The following TMA7 variants were observed in gnomAD, a reference collection of about 807,000 sequenced individuals.
TMA7 encodes the protein translation machinery associated 7 homolog, also known as translation machinery-associated protein 7.
Under a neutral mutation model 12.5 loss-of-function variants are expected in TMA7, and 5 were observed. The ratio of observed to expected loss-of-function variants is 0.40; its 90% CI spans 0.21 to 0.84. The LOEUF is 0.84. Among genes scored for constraint, TMA7 ranks in the 40% least tolerant of loss-of-function variants. The pLI, the probability that TMA7 is intolerant of heterozygous loss-of-function variation, is 0.36. For missense variants in TMA7, 71 were observed against 75.4 expected (o/e 0.94, Z 0.22); for synonymous variants, 36 against 28.1 (o/e 1.28, Z -0.89).
intron 3 of TMA7, chr3:48,440,883 A>AAC: frequency 1.8e-6 from 1 of 570,260 alleles, no homozygotes; most frequent in South Asian, 2.2e-5. Flanking sequence ...GGAAACAGTG[A>AAC]AATGTATTTA....
intron 3 of TMA7, 130 bp downstream of exon 3, chr3:48,440,758 A>G (rs2039541805): frequency 1.2e-6 from 1 of 821,294 alleles, no homozygotes; most frequent in Non-Finnish European, 2.0e-6. Flanking sequence ...GCTGCAGCGA[A>G]TGGTCTCTAG....
intron 3 of TMA7, among the ~76,000 whole-genome samples, chr3:48,441,867 T>C (rs888329847): frequency 6.6e-6 from 1 of 152,174 alleles, no homozygotes; most frequent in Non-Finnish European, 1.5e-5. Context: ...AAGACCTCTC[T>C]CCCAGTGGGT....
intron 3 of TMA7, among the ~76,000 whole-genome samples, chr3:48,442,031 CA>C (rs1172977334): frequency 0.57 from 85,658 of 151,438 alleles, 24,252 homozygotes; most frequent in East Asian, 0.69. Flanking sequence ...GCTAGGAGTT[CA>C]CAGCATCAAA....
chr3:48,444,018 T>G lies in TMA7; in HGVS notation c.*136T>G. 1 of 646,012 alleles carries G rather than the reference T, an allele frequency of 1.5e-6. No homozygotes were observed. The highest frequency in any genetic ancestry group is 2.3e-6 in the Non-Finnish European group (1 of 436,650). 40.0% of individuals were successfully genotyped at this position (646,012 alleles called of 1,614,324 possible). A position where few individuals can be genotyped will look rare whatever the true frequency, so the allele number is the denominator to read the frequency against. On this transcript the variant is annotated 3_prime_UTR_variant, in exon 4 of 4. Coordinates refer to ENST00000438607, the MANE Select transcript of TMA7 (RefSeq NM_015933.6). ...CTTGGAGCTGTTGTACATTTAAGAA[T>G]AAACTTTTGTAAAAAAAGAAAAATC...
chr3:48,440,688 A>C, intron 3 of TMA7, 60 bp downstream of exon 3: 2 of 1,486,862 alleles, frequency 1.3e-6, no homozygotes, highest in Non-Finnish European at 9.2e-7. Context: ...TATTGGGATG[A>C]GGGCGCGGGC....
chr3:48,443,664 T>TC (rs1449307482), intron 3 of TMA7, among the ~76,000 whole-genome samples, 184 bp from the exon 4 acceptor site: 1 of 152,020 alleles, frequency 6.6e-6, no homozygotes, highest in Non-Finnish European at 1.5e-5. Context: ...CTGCTTGTAC[T>TC]CCATCTCATC....
rs757410281 is a variant in TMA7 at position 48,443,896 on chromosome 3, C to G, written c.*14C>G. ...GGCAAAAAGTAAGCTGTTCCTTGTGCCTGAGGAGATGGTGACCCTTTATTT... is the reference window on the plus strand; with the variant it reads ...GGCAAAAAGTAAGCTGTTCCTTGTGGCTGAGGAGATGGTGACCCTTTATTT... On this transcript the variant is annotated 3_prime_UTR_variant, in exon 4 of 4. Coordinates refer to ENST00000438607, the MANE Select transcript of TMA7 (RefSeq NM_015933.6). The G allele has an allele frequency of 1.3e-6, 2 of 1,531,388 alleles. No individual in the cohort carries two copies. Among genetic ancestry groups the G allele is most frequent in the Non-Finnish European group, 1.7e-6 (2 of 1,144,272 alleles). 94.9% of individuals were successfully genotyped at this position (1,531,388 alleles called of 1,614,324 possible).
At chr3:48,441,501 G>A (rs1255419769) in intron 3 of TMA7, among the ~76,000 whole-genome samples, 1 of 134,916 alleles carries the variant, frequency 7.4e-6, no homozygotes, top group African/African-American at 2.8e-5. Flanking sequence ...TTTTTTTTTC[G>A]TACTGCTTAT....
chr3:48,441,931 C>G (rs2039578763), intron 3 of TMA7, among the ~76,000 whole-genome samples: 1 of 152,140 alleles, frequency 6.6e-6, no homozygotes, highest in Non-Finnish European at 1.5e-5. Flanking sequence ...TCTTGAGATT[C>G]CTTTTCAGAA....
At chr3:48,443,767 A>T in intron 3 of TMA7, 81 bp from the exon 4 acceptor site, 2 of 1,192,352 alleles carry the variant, frequency 1.7e-6, no homozygotes, top group Non-Finnish European at 2.3e-6. Flanking sequence ...GCCAGGCTTT[A>T]CTAAGGTCCA....
Position 48,440,428 on chromosome 3 carries a change from G to A in TMA7, c.42G>A (p.Gln14=), listed in dbSNP as rs775944077. Residue 14 remains glutamine (Q), a synonymous_variant, in exon 2 of 4, where the codon CAG becomes CAA. Coordinates refer to ENST00000438607, the MANE Select transcript of TMA7 (RefSeq NM_015933.6). Reference sequence around the variant, plus strand: ...GTGGCAAGAAGAAGCCACTGAAACAGCCCAAGAAGCAGGCCAAGGAGATGG... The same window carrying A: ...GTGGCAAGAAGAAGCCACTGAAACAACCCAAGAAGCAGGCCAAGGAGATGG... ...REGGKKKPLK[Q]PKKQAKEMDE... is the part of the protein sequence containing the mutation. The A allele has an allele frequency of 3.1e-6, 5 of 1,612,410 alleles. No homozygotes were observed. Among genetic ancestry groups the A allele is most frequent in the Admixed American group, 1.7e-5 (1 of 59,966 alleles).
intron 3 of TMA7, among the ~76,000 whole-genome samples, chr3:48,443,512 C>A (rs142092955): frequency 6.7e-6 from 1 of 148,490 alleles, no homozygotes; most frequent in Non-Finnish European, 1.5e-5. Context: ...GCAGCCTGGG[C>A]GACAGAGCAA....
In TMA7 at chr3:48,440,535, C is replaced by A; in HGVS notation, c.73-6C>A. 3.1e-6 allele frequency: 5 copies of A among 1,610,430 alleles called. No homozygotes were observed. Among genetic ancestry groups the A allele is most frequent in the Non-Finnish European group, 4.2e-6 (5 of 1,179,134 alleles). On this transcript the variant is annotated splice_region_variant and splice_polypyrimidine_tract_variant and intron_variant, in intron 2 of 3. Transcript: ENST00000438607. ...CCTGAGTTGAACACGCTCTGCCTCT[C>A]CCCAGGAAGATAAGGCTTTCAAGCA...
intron 3 of TMA7, among the ~76,000 whole-genome samples, chr3:48,442,452 CTTTT>C (rs904695197): frequency 1.4e-3 from 184 of 130,732 alleles, no homozygotes; most frequent in African/African-American, 4.8e-3. Context: ...TAACCCTACA[CTTTT>C]TTTTTTTTTT....
rs776526349 is a variant in TMA7, at chr3:48,440,504, G to C, written c.73-37G>C. ...ACTGGCGGGTGCGGGGGCGCTGGGA[G>C]ACAGGCCTGAGTTGAACACGCTCTG... On this transcript the variant is annotated intron_variant, in intron 2 of 3. Coordinates refer to ENST00000438607, the MANE Select transcript of TMA7 (RefSeq NM_015933.6). 3.9e-5 allele frequency: 63 copies of C among 1,604,640 alleles called. 1 individual carries two copies. In the South Asian group the frequency reaches 6.5e-4, roughly 17 times the overall value.
At chr3:48,441,988 CT>C (rs2039579891) in intron 3 of TMA7, among the ~76,000 whole-genome samples, 1 of 151,976 alleles carries the variant, frequency 6.6e-6, no homozygotes. Context: ...AATCCAAGTG[CT>C]TTGGGAGGCC....
chr3:48,441,059 A>C (rs1351598165), intron 3 of TMA7: 1 of 184,154 alleles, frequency 5.4e-6, no homozygotes, highest in Admixed American at 5.5e-5. Flanking sequence ...TCTGTCTCCC[A>C]GGCTGGAGTG....
At position 48,440,471 on chromosome 3, in the gene TMA7, G is replaced by C; in HGVS notation, c.72+13G>C. On this transcript the variant is annotated intron_variant, in intron 2 of 3. Coordinates refer to ENST00000438607, the MANE Select transcript of TMA7 (RefSeq NM_015933.6). ...GGAGATGGACGAGGTGAGGGCGGGC[G>C]CGGAGGCACTGGCGGGTGCGGGGGC... is the stretch of plus-strand genomic sequence containing the variant. The C allele has an allele frequency of 6.2e-7, 1 of 1,611,650 alleles. No individual in the cohort carries two copies. The highest frequency in any genetic ancestry group is 8.5e-7 in the Non-Finnish European group (1 of 1,179,470).
chr3:48,441,343 C>T (rs920454151), intron 3 of TMA7, among the ~76,000 whole-genome samples: 4 of 151,720 alleles, frequency 2.6e-5, no homozygotes, highest in Admixed American at 2.6e-4. Flanking sequence ...CGCACCTGGC[C>T]AGTTTTTTTT....
Sources: allele counts gnomAD v4.1 joint callset (sites outside exome capture counted in the v4.1 genomes callset), GRCh38; gene constraint gnomAD v4.1.1; transcripts MANE v1.5; gene names NCBI Gene and HGNC (gene_info 2026-07-23, HGNC 2026-07-21).